SLC25A16: variants seen among roughly 807,000 people sequenced by gnomAD.
The protein encoded by SLC25A16 is solute carrier family 25 member 16.
Under a neutral mutation model 41.5 loss-of-function variants are expected in SLC25A16, and 39 were observed. The observed-to-expected ratio is 0.94, with a 90% CI of 0.73 to 1.23. The LOEUF is 1.23. Ranked by LOEUF, SLC25A16 falls within the 50% of genes most tolerant of loss-of-function variation. SLC25A16 has a pLI of 0.00. For synonymous variants in SLC25A16, 146 were observed against 147.8 expected (o/e 0.99, Z 0.09); for missense variants, 421 against 426.9 (o/e 0.99, Z 0.12).
At position 68,489,899 on chromosome 10, in the gene SLC25A16, C is replaced by CAAA. The variant is rs71019017; in HGVS notation, c.611-1273_611-1271dup. ...CTGGCAACAGAGCGAGACTCTGTCTCAAAAAAAAAAAAAAAAAAGGAAGAA... is the reference window on the plus strand; with the variant it reads ...CTGGCAACAGAGCGAGACTCTGTCTCAAAAAAAAAAAAAAAAAAAAAGGAAGAA... On this transcript the variant is annotated intron_variant, in intron 6 of 8. Transcript: ENST00000609923. 9.5e-3 allele frequency among the ~76,000 whole-genome samples: 801 copies of CAAA among 83,994 alleles called. 7 individuals are homozygous for CAAA. Among genetic ancestry groups the CAAA allele is most frequent in the African/African-American group, 0.025 (564 of 23,016 alleles). The allele number at this position is 83,994 out of a possible 152,430, so 55.1% of individuals were successfully genotyped here.
At chr10:68,511,402 T>TACTGTAACCAGGGTAC (rs2053061112) in intron 2 of SLC25A16, among the ~76,000 whole-genome samples, 1 of 152,176 alleles carries the variant, frequency 6.6e-6, no homozygotes, top group South Asian at 2.1e-4. Context: ...TTGTAGGGTA[T>TACTGTAACCAGGGTAC]ACTGTAACCA....
At chr10:68,517,967 T>C in intron 1 of SLC25A16, 1 of 146,740 alleles carries the variant, frequency 6.8e-6, no homozygotes, top group Non-Finnish European at 1.5e-5. Context: ...CGAGACTCCA[T>C]CTCAAAGAAA....
chr10:68,521,748 T>C (rs1196732802), intron 1 of SLC25A16, among the ~76,000 whole-genome samples: 2 of 150,276 alleles, frequency 1.3e-5, no homozygotes, highest in African/African-American at 2.4e-5. Context: ...CGCCCGCCAC[T>C]ACGCCCGGCT....
chr10:68,509,756 T>TATAGATAGATAG lies in SLC25A16; in HGVS notation c.224-3039_224-3038insCTATCTATCTAT, dbSNP rs1554919983. On this transcript the variant is annotated intron_variant, in intron 2 of 8. Transcript: ENST00000609923. The stretch of plus-strand genomic sequence containing the variant: ...CTATATATATATCTATATATATAGA[T>TATAGATAGATAG]ATATAGATATAGATAGATAGATATA... 4.0e-5 allele frequency among the ~76,000 whole-genome samples: 6 copies of TATAGATAGATAG among 148,154 alleles called. No individual in the cohort carries two copies. The South Asian group carries it at 1.1e-3, about 26-fold the overall frequency.
intron 1 of SLC25A16, 115 bp downstream of exon 1, chr10:68,527,131 G>A (rs2053349571): frequency 9.0e-7 from 1 of 1,113,562 alleles, no homozygotes; most frequent in Non-Finnish European, 1.2e-6. Flanking sequence ...ACATCTAACA[G>A]AACATTGAAG....
intron 4 of SLC25A16, among the ~76,000 whole-genome samples, 177 bp from the exon 5 acceptor site, chr10:68,493,747 G>A (rs921528108): frequency 6.6e-6 from 1 of 152,140 alleles, no homozygotes; most frequent in African/African-American, 2.4e-5. Context: ...AGTAAGTGAA[G>A]GGTCAGTTTG....
Position 68,506,715 on chromosome 10 carries a change from A to G in SLC25A16, c.227T>C (p.Val76Ala). The change falls in exon 3 of 9, where the codon GTA (valine) becomes GCA (alanine). Residue 76 changes from valine (V) to alanine (A), a missense_variant. By Grantham distance (64) the Val-to-Ala change is moderately conservative. Coordinates refer to ENST00000609923, the MANE Select transcript of SLC25A16 (RefSeq NM_152707.4). ...AGGAACAGCACGCAATGCAGAAAAT[A>G]CTCCTATTTTTAGAGGAAAAATGCT... ...AHNHHYKHLG[V>A]FSALRAVPQK... 5 of 1,563,552 alleles carry G rather than the reference A, an allele frequency of 3.2e-6. No homozygotes were observed. The highest frequency in any genetic ancestry group is 4.3e-6 in the Non-Finnish European group (5 of 1,156,984).
At chr10:68,494,921 G>A (rs1246811116) in intron 4 of SLC25A16, among the ~76,000 whole-genome samples, 1 of 151,334 alleles carries the variant, frequency 6.6e-6, no homozygotes, top group Non-Finnish European at 1.5e-5. Flanking sequence ...CAAAATCACT[G>A]TGGGAGTTAA....
chr10:68,502,790 G>A (rs1456815381), intron 4 of SLC25A16, among the ~76,000 whole-genome samples: 1 of 61,862 alleles, frequency 1.6e-5, no homozygotes, highest in African/African-American at 7.0e-5. Context: ...GAGGGGAGGG[G>A]AGGGGTAGGG....
chr10:68,505,096 C>T (rs1483323986), intron 3 of SLC25A16, among the ~76,000 whole-genome samples: 1 of 152,088 alleles, frequency 6.6e-6, no homozygotes, highest in African/African-American at 2.4e-5. Flanking sequence ...CCCAGGAGTT[C>T]GAGACTAGCA....
At chr10:68,487,242 A>G in intron 7 of SLC25A16, 30 bp from the exon 8 acceptor site, 1 of 1,601,660 alleles carries the variant, frequency 6.2e-7, no homozygotes, top group Non-Finnish European at 8.5e-7. Context: ...TAAAGAATTA[A>G]AAATTTTTGG....
chr10:68,511,325 C>T (rs1590118538), intron 2 of SLC25A16, among the ~76,000 whole-genome samples: 1 of 152,254 alleles, frequency 6.6e-6, no homozygotes, highest in South Asian at 2.1e-4. Context: ...AAATAGAGGA[C>T]ACTCCAAAGA....
At chr10:68,489,483 A>G (rs898992071) in intron 6 of SLC25A16, among the ~76,000 whole-genome samples, 5 of 152,202 alleles carry the variant, frequency 3.3e-5, no homozygotes, top group African/African-American at 4.8e-5. Flanking sequence ...TAAACATTAC[A>G]TGATACTAGA....
chr10:68,496,782 T>C (rs2052756068), intron 4 of SLC25A16: 1 of 748,420 alleles, frequency 1.3e-6, no homozygotes, highest in Non-Finnish European at 1.6e-6. Context: ...GAATTATTTA[T>C]TGTGTTCCAG....
intron 4 of SLC25A16, among the ~76,000 whole-genome samples, chr10:68,498,351 C>G (rs1294168320): frequency 6.8e-6 from 1 of 146,048 alleles, no homozygotes; most frequent in Admixed American, 7.0e-5. Context: ...GACAGAGTCT[C>G]ATTCTGTCAC....
chr10:68,482,996 A>G lies in SLC25A16; in HGVS notation c.*436T>C, dbSNP rs2052502676. ...AAAATGTCAATGCTGGCTGTTTCAT[A>G]GAACTTAAAAATTCAATTCTCATTA... On this transcript the variant is annotated 3_prime_UTR_variant, in exon 9 of 9. Transcript: ENST00000609923. 6.6e-6 allele frequency: 1 copy of G among 152,464 alleles called. No homozygotes were observed. Among genetic ancestry groups the G allele is most frequent in the Admixed American group, 6.5e-5 (1 of 15,276 alleles). 9.4% of individuals were successfully genotyped at this position (152,464 alleles called of 1,614,324 possible). A position where few individuals can be genotyped will look rare whatever the true frequency, so the allele number is the denominator to read the frequency against.
chr10:68,513,894 A>T (rs2053113006), intron 2 of SLC25A16, among the ~76,000 whole-genome samples: 2 of 151,970 alleles, frequency 1.3e-5, no homozygotes. Context: ...AGAAAAAAAA[A>T]GCTAACGCAA....
chr10:68,479,607 C>T lies in SLC25A16; in HGVS notation c.*3825G>A, dbSNP rs1317547298. ...ATCACTTGAGGTCAGGTATTCAAGA[C>T]CAGCCTGGCCAACAGGGCAAAACCC... On this transcript the variant is annotated 3_prime_UTR_variant, in exon 9 of 9. Coordinates refer to ENST00000609923, the MANE Select transcript of SLC25A16 (RefSeq NM_152707.4). 1.3e-5 allele frequency: 2 copies of T among 152,128 alleles called. No individual in the cohort carries two copies. Among genetic ancestry groups the T allele is most frequent in the Non-Finnish European group, 2.9e-5 (2 of 68,064 alleles). The allele number at this position is 152,128 out of a possible 1,614,324, so 9.4% of individuals were successfully genotyped here.
At chr10:68,499,778 G>C (rs2052809882) in intron 4 of SLC25A16, 1 of 420,272 alleles carries the variant, frequency 2.4e-6, no homozygotes, top group Non-Finnish European at 4.6e-6. Context: ...CATCTACACT[G>C]AATGAGTGCA....
Sources: allele counts gnomAD v4.1 joint callset (sites outside exome capture counted in the v4.1 genomes callset), GRCh38; gene constraint gnomAD v4.1.1; transcripts MANE v1.5; gene names NCBI Gene and HGNC (gene_info 2026-07-23, HGNC 2026-07-21).